L3MBTL3: variants seen among roughly 807,000 people sequenced by gnomAD.
The protein encoded by L3MBTL3 is L3MBTL histone methyl-lysine binding protein 3, also known as lethal(3)malignant brain tumor-like protein 3.
A neutral mutation model predicts 102.3 loss-of-function variants in L3MBTL3; 27 were observed. That is an observed-to-expected ratio of 0.26 (90% CI 0.19 to 0.36). The LOEUF (loss-of-function observed/expected upper bound fraction) is 0.36, where lower values mean the gene tolerates loss of function less well. L3MBTL3 is among the 10% of genes least tolerant of loss of function. The pLI is 1.00. For synonymous variants in L3MBTL3, 340 were observed against 320.9 expected (o/e 1.06, Z -0.64); for missense variants, 798 against 955.3 (o/e 0.84, Z 2.17).
chr6:130,068,352 T>C lies in L3MBTL3; in HGVS notation c.1023T>C (p.Asn341=), dbSNP rs1220212246. 11 of 1,599,094 alleles carry C rather than the reference T, an allele frequency of 6.9e-6. No homozygotes were observed. Among genetic ancestry groups the C allele is most frequent in the African/African-American group, 1.3e-5 (1 of 74,614 alleles). ...PPKGYKEEEF[N]WQTYLKTCKA... ...TAGGGTATAAAGAAGAAGAATTCAA[T>C]TGGCAGACCTATCTTAAGACATGTA... is the stretch of plus-strand genomic sequence containing the variant. The change falls in exon 12 of 23, where the codon AAT becomes AAC. Residue 341 remains asparagine, a synonymous_variant. Transcript: ENST00000361794.
At chr6:130,057,331 C>G in intron 8 of L3MBTL3, 75 bp from the exon 9 acceptor site, 1 of 1,086,520 alleles carries the variant, frequency 9.2e-7, no homozygotes, top group Non-Finnish European at 1.4e-6. Context: ...CAGTCAGGGA[C>G]GTGTGAGTTC....
At chr6:130,050,696 T>C (rs1440445026) in intron 5 of L3MBTL3, among the ~76,000 whole-genome samples, 1 of 152,208 alleles carries the variant, frequency 6.6e-6, no homozygotes, top group Non-Finnish European at 1.5e-5. Flanking sequence ...AATAAATTGG[T>C]GCCTAATAAC....
chr6:130,020,124 G>A (rs1778880012), intron 1 of L3MBTL3, among the ~76,000 whole-genome samples: 1 of 150,642 alleles, frequency 6.6e-6, no homozygotes, highest in South Asian at 2.1e-4. Flanking sequence ...GGCCGGGGCC[G>A]GCGCCGGGGC....
At chr6:130,069,935 G>A (rs777443483) in intron 12 of L3MBTL3, among the ~76,000 whole-genome samples, 13 of 152,170 alleles carry the variant, frequency 8.5e-5, no homozygotes, top group Non-Finnish European at 1.6e-4. Flanking sequence ...ATTAGTGCCT[G>A]TTCTATCCAT....
chr6:130,059,951 C>T, intron 9 of L3MBTL3, 85 bp from the exon 10 acceptor site: 2 of 681,218 alleles, frequency 2.9e-6, no homozygotes, highest in Admixed American at 2.9e-5. Flanking sequence ...GTTAAATAGT[C>T]TTTATTTTTA....
At chr6:130,121,830 G>T (rs535373885) in intron 20 of L3MBTL3, among the ~76,000 whole-genome samples, 1 of 152,178 alleles carries the variant, frequency 6.6e-6, no homozygotes, top group African/African-American at 2.4e-5. Flanking sequence ...CAGATCACCT[G>T]AGGTCAGGAG....
chr6:130,102,095 CAG>C (rs985831028), intron 18 of L3MBTL3, among the ~76,000 whole-genome samples: 6 of 149,700 alleles, frequency 4.0e-5, no homozygotes, highest in South Asian at 2.1e-4. Context: ...CATTCTATCT[CAG>C]GGGGAAAAAA....
At chr6:130,136,349 C>T (rs1787656745) in intron 22 of L3MBTL3, among the ~76,000 whole-genome samples, 1 of 152,200 alleles carries the variant, frequency 6.6e-6, no homozygotes, top group African/African-American at 2.4e-5. Context: ...CTCTTGCCCC[C>T]TGGCTTTTTG....
chr6:130,052,740 T>G, intron 6 of L3MBTL3, 119 bp from the exon 7 acceptor site: 1 of 1,243,220 alleles, frequency 8.0e-7, no homozygotes, highest in Non-Finnish European at 1.1e-6. Context: ...CTCCTGGTAG[T>G]TAAAGATTTT....
At position 130,120,868 on chromosome 6, in the gene L3MBTL3, GT is replaced by G. The variant is rs747769863; in HGVS notation, c.1887-6del. The G allele has an allele frequency of 1.9e-6, 3 of 1,602,284 alleles. No individual in the cohort carries two copies. The Admixed American group carries it at 5.1e-5, about 27-fold the overall frequency. Reference sequence around the variant, plus strand: ...TCTCTTATAAAATATTGAAATGCCTGTTTTTCTTAGAGACCAGCATGCTGAT... The same window carrying G: ...TCTCTTATAAAATATTGAAATGCCTGTTTTCTTAGAGACCAGCATGCTGAT... On this transcript the variant is annotated splice_polypyrimidine_tract_variant and intron_variant, in intron 19 of 22. Coordinates refer to ENST00000361794, the MANE Select transcript of L3MBTL3 (RefSeq NM_032438.4).
At chr6:130,024,820 T>A (rs1375605072) in intron 2 of L3MBTL3, among the ~76,000 whole-genome samples, 2 of 152,154 alleles carry the variant, frequency 1.3e-5, no homozygotes, top group Admixed American at 6.5e-5. Context: ...TAATGAGCTC[T>A]TCTAATAATA....
rs144994805 is a variant in L3MBTL3 at position 130,068,373 on chromosome 6, A to C, written c.1044A>C (p.Thr348=). 1.2e-6 allele frequency: 2 copies of C among 1,605,984 alleles called. No individual in the cohort carries two copies. Among genetic ancestry groups the C allele is most frequent in the Non-Finnish European group, 1.7e-6 (2 of 1,172,846 alleles). ...TCAATTGGCAGACCTATCTTAAGAC[A>C]TGTAAAGCTCAAGCTGCTCCTAAGT... The part of the protein sequence containing the change: ...EEFNWQTYLK[T]CKAQAAPKSL... The change falls in exon 12 of 23, where the codon ACA becomes ACC. Residue 348 remains threonine, a synonymous_variant. Transcript: ENST00000361794.
At chr6:130,117,323 T>C in intron 19 of L3MBTL3, among the ~76,000 whole-genome samples, 1 of 151,056 alleles carries the variant, frequency 6.6e-6, no homozygotes, top group Non-Finnish European at 1.5e-5. Context: ...TATGGCTGCA[T>C]AGTATTCCAT....
chr6:130,131,572 C>T (rs9492460), intron 20 of L3MBTL3, among the ~76,000 whole-genome samples: 37,043 of 151,976 alleles, frequency 0.24, 5,516 homozygotes, highest in Non-Finnish European at 0.34. Context: ...TTGGGTCTCG[C>T]GCAAGAAAGA....
intron 2 of L3MBTL3, among the ~76,000 whole-genome samples, chr6:130,041,086 C>G (rs886635755): frequency 1.3e-5 from 2 of 152,114 alleles, no homozygotes; most frequent in Non-Finnish European, 2.9e-5. Flanking sequence ...CTTTTTGGAC[C>G]TTTTGAAAGG....
At position 130,072,093 on chromosome 6, in the gene L3MBTL3, G is replaced by T. The variant is rs561728646; in HGVS notation, c.1244+966G>T. On this transcript the variant is annotated intron_variant, in intron 13 of 22. Transcript: ENST00000361794. ...GTACGGTTGGCCTTCTGTATCTGTG[G>T]GTTGCACATCCATGGATTCAACCAA... Among the ~76,000 whole-genome samples the T allele has an allele frequency of 4.6e-5, 7 of 151,652 alleles. No homozygotes were observed. In the South Asian group the frequency reaches 1.5e-3, roughly 32 times the overall value.
intron 5 of L3MBTL3, among the ~76,000 whole-genome samples, 155 bp from the exon 6 acceptor site, chr6:130,051,093 AC>A (rs1781064242): frequency 6.6e-6 from 1 of 152,096 alleles, no homozygotes; most frequent in Non-Finnish European, 1.5e-5. Context: ...CAGAGCCCAT[AC>A]CCCCCGAAAA....
intron 15 of L3MBTL3, among the ~76,000 whole-genome samples, chr6:130,085,361 C>T (rs1283536203): frequency 2.0e-5 from 3 of 152,118 alleles, no homozygotes; most frequent in African/African-American, 7.2e-5. Flanking sequence ...TTAAAGATAT[C>T]TTCTGCTTTT....
At chr6:130,047,217 C>T (rs939691742) in intron 3 of L3MBTL3, among the ~76,000 whole-genome samples, 3 of 152,138 alleles carry the variant, frequency 2.0e-5, no homozygotes, top group Admixed American at 6.5e-5. Context: ...AATCAACCCT[C>T]AAAGTCCATC....
Sources: gnomAD v4.1 joint callset for allele counts (sites outside exome capture counted in the v4.1 genomes callset) on GRCh38, gnomAD v4.1.1 for gene constraint, MANE v1.5 for transcripts, NCBI Gene and HGNC (gene_info 2026-07-23, HGNC 2026-07-21) for gene names.